Variants in SHANK2 observed in about 807,000 individuals in gnomAD.
SHANK2 encodes the protein SH3 and multiple ankyrin repeat domains protein 2.
In SHANK2, 43 loss-of-function variants were observed where a neutral mutation model predicts 133.7. The observed-to-expected ratio is 0.32, with a 90% CI of 0.25 to 0.41. SHANK2 has a LOEUF of 0.41. SHANK2 is among the 10% of genes least tolerant of loss of function. SHANK2 has a pLI of 1.00. For missense variants in SHANK2, 1,994 were observed against 2,235.8 expected (o/e 0.89, Z 2.18); for synonymous variants, 1,017 against 952.8 (o/e 1.07, Z -1.24).
chr11:70,722,526 G>A (rs1555029474), intron 14 of SHANK2, among the ~76,000 whole-genome samples: 2 of 152,114 alleles, frequency 1.3e-5, no homozygotes, highest in African/African-American at 2.4e-5. Flanking sequence ...CTGACTGCAT[G>A]GATTCATAAA....
chr11:70,812,261 T>C (rs1474946691), intron 12 of SHANK2, among the ~76,000 whole-genome samples: 1 of 152,220 alleles, frequency 6.6e-6, no homozygotes, highest in African/African-American at 2.4e-5. Context: ...GGGGAACCTT[T>C]ATCTAAAAAC....
At chr11:70,484,334 T>C (rs1377324272) in intron 25 of SHANK2, among the ~76,000 whole-genome samples, 2 of 152,138 alleles carry the variant, frequency 1.3e-5, no homozygotes, top group African/African-American at 4.8e-5. Context: ...TTTAGCACCA[T>C]CTTCCCTGGC....
chr11:70,818,438 A>T (rs1248506907), intron 12 of SHANK2, among the ~76,000 whole-genome samples: 4 of 152,100 alleles, frequency 2.6e-5, no homozygotes, highest in African/African-American at 9.7e-5. Context: ...CCCGAGCCAC[A>T]TCTAGCACAT....
chr11:70,865,186 G>A (rs1331630877), intron 11 of SHANK2: 2 of 152,166 alleles, frequency 1.3e-5, no homozygotes, highest in African/African-American at 4.8e-5. Context: ...GAGATCCCAT[G>A]GAGTGGGGTT....
At chr11:70,782,592 C>T (rs1387232613) in intron 14 of SHANK2, among the ~76,000 whole-genome samples, 2 of 152,244 alleles carry the variant, frequency 1.3e-5, no homozygotes, top group African/African-American at 2.4e-5. Context: ...AGGCAAACCA[C>T]GCTGTGGGAG....
rs1181970390 is a variant in SHANK2, at chr11:70,535,463, C to T, written c.2062-32532G>A. Among the ~76,000 whole-genome samples the T allele has an allele frequency of 3.3e-5, 5 of 151,910 alleles. No individual in the cohort carries two copies. Among genetic ancestry groups the T allele is most frequent in the Non-Finnish European group, 5.9e-5 (4 of 67,992 alleles). On this transcript the variant is annotated intron_variant, in intron 17 of 25. Transcript: ENST00000601538. The surrounding 1 kb of genome is among the most constrained non-coding windows in gnomAD (Gnocchi z 4.3). ...TCATCCATCAGTCCAACCATCAGTC[C>T]GTCCGTCCATCCATCCATCCATCCA... is the stretch of plus-strand genomic sequence containing the variant.
chr11:71,168,041 A>T (rs7926406), intron 2 of SHANK2, among the ~76,000 whole-genome samples: 1 of 59,672 alleles, frequency 1.7e-5, no homozygotes, highest in Non-Finnish European at 3.7e-5. Flanking sequence ...GGCGGCTGCC[A>T]GGCGGAGGGG....
At position 71,063,436 on chromosome 11, in the gene SHANK2, G is replaced by A. The variant is rs993212026; in HGVS notation, c.1030-6878C>T. On this transcript the variant is annotated intron_variant, in intron 9 of 25. Transcript: ENST00000601538. ...ATATCACACATGTGTCTGTGTACAC[G>A]TGTGTGAACATGTGTGTTTGCAGTT... Among the ~76,000 whole-genome samples the A allele has an allele frequency of 9.4e-4, 143 of 152,356 alleles. 1 individual carries two copies. Among genetic ancestry groups the A allele is most frequent in the African/African-American group, 3.0e-3 (126 of 41,584 alleles).
intron 12 of SHANK2, among the ~76,000 whole-genome samples, chr11:70,815,930 C>T (rs191150914): frequency 3.3e-5 from 5 of 152,318 alleles, no homozygotes; most frequent in South Asian, 2.1e-4. Context: ...CCTGGCCAGT[C>T]GCCTCCCTGC....
At chr11:70,946,593 C>G (rs1950741279) in intron 10 of SHANK2, among the ~76,000 whole-genome samples, 1 of 149,456 alleles carries the variant, frequency 6.7e-6, no homozygotes, top group Non-Finnish European at 1.5e-5. Context: ...TTCCCAGGAT[C>G]AGCCTCCCTC....
At chr11:70,734,560 G>T (rs1425995748) in intron 14 of SHANK2, among the ~76,000 whole-genome samples, 1 of 152,170 alleles carries the variant, frequency 6.6e-6, no homozygotes, top group Non-Finnish European at 1.5e-5. Context: ...TGCTTCAAAG[G>T]ATCCAATGGG....
intron 11 of SHANK2, among the ~76,000 whole-genome samples, chr11:70,875,765 G>A (rs1949550607): frequency 6.6e-6 from 1 of 151,740 alleles, no homozygotes; most frequent in Non-Finnish European, 1.5e-5. Context: ...TGAAGTGGGA[G>A]GATTATTTGA....
chr11:70,859,618 A>G (rs1949226247), intron 11 of SHANK2, among the ~76,000 whole-genome samples: 1 of 152,206 alleles, frequency 6.6e-6, no homozygotes, highest in African/African-American at 2.4e-5. Context: ...ATCATCACCT[A>G]TACAACTGAG....
At chr11:71,065,413 GT>G (rs2135946405) in intron 9 of SHANK2, among the ~76,000 whole-genome samples, 1 of 132,674 alleles carries the variant, frequency 7.5e-6, no homozygotes, top group Admixed American at 8.0e-5. Flanking sequence ...TTGTGGGGGG[GT>G]GTGCAGAACT....
chr11:70,678,532 C>CTTTTTTTTTTTT (rs34446408), intron 15 of SHANK2, among the ~76,000 whole-genome samples: 7 of 77,070 alleles, frequency 9.1e-5, no homozygotes, highest in African/African-American at 3.4e-4. Flanking sequence ...TAAGAACAGG[C>CTTTTTTTTTTTT]TTTTTTTTTT....
At chr11:70,719,121 C>G (rs1946018390) in intron 14 of SHANK2, among the ~76,000 whole-genome samples, 1 of 152,222 alleles carries the variant, frequency 6.6e-6, no homozygotes, top group African/African-American at 2.4e-5. Context: ...CCTGCAAGCT[C>G]GCCGTGGCGC....
chr11:70,820,861 C>T (rs950004515), intron 11 of SHANK2, among the ~76,000 whole-genome samples, 179 bp from the exon 12 acceptor site: 2 of 152,138 alleles, frequency 1.3e-5, no homozygotes, highest in Admixed American at 6.5e-5. Context: ...AGAACTCACC[C>T]CTGACATGGA....
intron 6 of SHANK2, among the ~76,000 whole-genome samples, chr11:71,097,431 G>T (rs1555095688): frequency 1.3e-5 from 2 of 152,204 alleles, no homozygotes; most frequent in African/African-American, 4.8e-5. Flanking sequence ...TGATTCTTAA[G>T]ACTATTCCTC....
intron 2 of SHANK2, among the ~76,000 whole-genome samples, chr11:71,174,995 G>A (rs1953398446): frequency 6.6e-6 from 1 of 152,114 alleles, no homozygotes; most frequent in Non-Finnish European, 1.5e-5. Context: ...TTCTCTCCTT[G>A]TCTCCCCCTC....
Sources: gnomAD v4.1 joint callset for allele counts (sites outside exome capture counted in the v4.1 genomes callset) on GRCh38, gnomAD v4.1.1 for gene constraint, Gnocchi (gnomAD v3.1) non-coding constraint, MANE v1.5 for transcripts, NCBI Gene and HGNC (gene_info 2026-07-23, HGNC 2026-07-21) for gene names.